The following PCSK6 variants were observed in gnomAD, a reference collection of about 807,000 sequenced individuals.
The protein encoded by PCSK6 is proprotein convertase subtilisin/kexin type 6, also known as paired basic amino acid cleaving enzyme 4.
Under a neutral mutation model 123.3 loss-of-function variants are expected in PCSK6, and 85 were observed. That is an observed-to-expected ratio of 0.69 (90% CI 0.58 to 0.83). PCSK6 has a LOEUF of 0.83. Ranked by LOEUF, PCSK6 falls within the 40% of genes least tolerant of loss-of-function variation. The pLI is 0.00. For missense variants in PCSK6, 1,191 were observed against 1,282.3 expected (o/e 0.93, Z 1.09); for synonymous variants, 508 against 516.0 (o/e 0.98, Z 0.21).
chr15:101,348,181 G>A (rs8036419), intron 13 of PCSK6, among the ~76,000 whole-genome samples: 108,563 of 151,780 alleles, frequency 0.72, 39,046 homozygotes, highest in East Asian at 0.79. Context: ...ACCGGCCCCT[G>A]CGCCTCCGCT....
At chr15:101,456,373 C>T (rs189692014) in intron 1 of PCSK6, among the ~76,000 whole-genome samples, 20 of 152,360 alleles carry the variant, frequency 1.3e-4, no homozygotes, top group Non-Finnish European at 2.8e-4. Flanking sequence ...CTGCTCCAAC[C>T]GTTCCTTCCT....
At chr15:101,466,131 A>G (rs1379132024) in intron 1 of PCSK6, among the ~76,000 whole-genome samples, 2 of 152,212 alleles carry the variant, frequency 1.3e-5, no homozygotes, top group Non-Finnish European at 2.9e-5. Context: ...AAGGATGACA[A>G]TGACTGCAAG....
At position 101,420,190 on chromosome 15, in the gene PCSK6, C is replaced by CAAAAA. The variant is rs369741613; in HGVS notation, c.823+7697_823+7701dup. Among the ~76,000 whole-genome samples, 536 of 84,340 alleles carry CAAAAA rather than the reference C, an allele frequency of 6.4e-3. 8 individuals carry two copies. The highest frequency in any genetic ancestry group is 0.047 in the East Asian group (125 of 2,654). 55.3% of individuals were successfully genotyped at this position (84,340 alleles called of 152,430 possible). ...TGGGTGACAGAGTGAGATTCTGTCT[C>CAAAAA]AAAAAAAAAAAAAAAAAGCTAAACA... On this transcript the variant is annotated intron_variant, in intron 6 of 21. Coordinates refer to ENST00000611716, the MANE Select transcript of PCSK6 (RefSeq NM_002570.5).
chr15:101,305,278 T>G lies in PCSK6; in HGVS notation c.2890A>C (p.Thr964Pro), dbSNP rs1265126701. Residue 964 changes from threonine to proline, a missense_variant, in exon 22 of 22, where the codon ACG (threonine) becomes CCG (proline). Around this residue, in one of 3 missense-constraint regions of PCSK6, gnomAD observed 630 missense variants for 631.4 expected, o/e 1.00. Coordinates refer to ENST00000611716, the MANE Select transcript of PCSK6 (RefSeq NM_002570.5). The surrounding 1 kb of genome is among the most constrained non-coding windows in gnomAD (Gnocchi z 4.8). The part of the protein sequence containing the change: ...RKLFIQFCCR[T>P]CLLAG Reference sequence around the variant, plus strand: ...CACCCTTACCCGGCCAGGAGGCACGTGCGGCAGCAGAACTGAATGAAGAGC... The same window carrying G: ...CACCCTTACCCGGCCAGGAGGCACGGGCGGCAGCAGAACTGAATGAAGAGC... 2.5e-6 allele frequency: 4 copies of G among 1,611,780 alleles called. No individual in the cohort carries two copies. The Admixed American group carries it at 5.0e-5, about 20-fold the overall frequency.
intron 1 of PCSK6, among the ~76,000 whole-genome samples, chr15:101,477,259 CTG>C (rs1174245097): frequency 1.3e-5 from 2 of 149,818 alleles, no homozygotes; most frequent in Admixed American, 1.3e-4. Flanking sequence ...GTGTGTGTGT[CTG>C]TGTGTCTGTG....
At chr15:101,479,961 T>C (rs1026795234) in intron 1 of PCSK6, among the ~76,000 whole-genome samples, 2 of 152,218 alleles carry the variant, frequency 1.3e-5, no homozygotes, top group Non-Finnish European at 1.5e-5. Context: ...AGCCCAGCAG[T>C]GGTCATCTCA....
Position 101,489,702 on chromosome 15 carries a change from G to A in PCSK6, c.-32C>T. The A allele has an allele frequency of 1.1e-6, 1 of 941,068 alleles. No homozygotes were observed. Among genetic ancestry groups the A allele is most frequent in the Non-Finnish European group, 1.3e-6 (1 of 792,396 alleles). The allele number at this position is 941,068 out of a possible 1,614,324, so 58.3% of individuals were successfully genotyped here. A position where few individuals can be genotyped will look rare whatever the true frequency, so the allele number is the denominator to read the frequency against. On this transcript the variant is annotated 5_prime_UTR_variant, in exon 1 of 22. Coordinates refer to ENST00000611716, the MANE Select transcript of PCSK6 (RefSeq NM_002570.5). ...GACAGGCTCGCGCGGCGCCCGAGCTGCGAGTGCGCCGGGGGGTGGAGTGCC... is the reference window on the plus strand; with the variant it reads ...GACAGGCTCGCGCGGCGCCCGAGCTACGAGTGCGCCGGGGGGTGGAGTGCC...
intron 1 of PCSK6, among the ~76,000 whole-genome samples, chr15:101,470,662 C>G (rs1287914749): frequency 3.9e-5 from 6 of 152,216 alleles, no homozygotes; most frequent in Non-Finnish European, 8.8e-5. Flanking sequence ...TCATTCTTCT[C>G]TTCTCTCCCC....
intron 5 of PCSK6, among the ~76,000 whole-genome samples, chr15:101,429,176 C>T (rs1344549110): frequency 2.0e-5 from 3 of 152,164 alleles, no homozygotes; most frequent in South Asian, 2.1e-4. Context: ...TTTATTATTT[C>T]CCTCTAAATA....
At chr15:101,368,541 T>C (rs1168067654) in intron 12 of PCSK6, among the ~76,000 whole-genome samples, 1 of 152,160 alleles carries the variant, frequency 6.6e-6, no homozygotes, top group Non-Finnish European at 1.5e-5. Flanking sequence ...CCAGGGTCAC[T>C]GCCACCCGCC....
intron 2 of PCSK6, among the ~76,000 whole-genome samples, chr15:101,438,840 G>A (rs1446247161): frequency 3.9e-5 from 6 of 152,206 alleles, no homozygotes; most frequent in African/African-American, 1.4e-4. Context: ...GGCCAAGTCC[G>A]CAGCCTCTGA....
intron 15 of PCSK6, among the ~76,000 whole-genome samples, chr15:101,328,727 TGAG>T (rs1395630929): frequency 6.6e-6 from 1 of 152,204 alleles, no homozygotes; most frequent in East Asian, 1.9e-4. Context: ...CACACTGCAC[TGAG>T]GTCACCCACC....
At chr15:101,319,083 G>T (rs948363696) in intron 18 of PCSK6, among the ~76,000 whole-genome samples, 28 of 152,184 alleles carry the variant, frequency 1.8e-4, no homozygotes, top group African/African-American at 6.5e-4. Context: ...CACCTTCCCA[G>T]TGTTCGACCC....
chr15:101,314,014 G>C (rs1471883080), intron 19 of PCSK6, among the ~76,000 whole-genome samples: 1 of 152,170 alleles, frequency 6.6e-6, no homozygotes, highest in East Asian at 1.9e-4. Flanking sequence ...TTGCACCCGT[G>C]GCTTGCGTTT....
intron 1 of PCSK6, among the ~76,000 whole-genome samples, chr15:101,484,452 C>A (rs1449008070): frequency 1.3e-5 from 2 of 152,170 alleles, no homozygotes; most frequent in Non-Finnish European, 2.9e-5. Flanking sequence ...CAGTCCTGTT[C>A]ATCTCAGCTC....
chr15:101,431,235 G>C, intron 4 of PCSK6, 85 bp downstream of exon 4: 1 of 1,414,400 alleles, frequency 7.1e-7, no homozygotes, highest in Non-Finnish European at 9.9e-7. Context: ...GGGGAGATCG[G>C]GACCTTACTG....
intron 11 of PCSK6, among the ~76,000 whole-genome samples, chr15:101,375,116 C>A (rs2041696660): frequency 6.6e-6 from 1 of 152,116 alleles, no homozygotes; most frequent in African/African-American, 2.4e-5. Flanking sequence ...CCATGCCCGG[C>A]CAATGTTTGT....
intron 1 of PCSK6, among the ~76,000 whole-genome samples, chr15:101,446,832 T>C (rs147840877): frequency 2.0e-5 from 3 of 152,194 alleles, no homozygotes; most frequent in South Asian, 2.1e-4. Context: ...CAGCATCTCA[T>C]TGAGTCTCTG....
At chr15:101,379,647 C>T (rs929873188) in intron 11 of PCSK6, among the ~76,000 whole-genome samples, 3 of 152,132 alleles carry the variant, frequency 2.0e-5, no homozygotes, top group Admixed American at 6.5e-5. Flanking sequence ...CAGAATGAGG[C>T]CAAGAGAGTA....
Sources: gnomAD v4.1 joint callset for allele counts (sites outside exome capture counted in the v4.1 genomes callset) on GRCh38, gnomAD v4.1.1 for gene constraint, gnomAD v4.1.1 regional missense constraint, Gnocchi (gnomAD v3.1) non-coding constraint, MANE v1.5 for transcripts, NCBI Gene and HGNC (gene_info 2026-07-23, HGNC 2026-07-21) for gene names.